Variants in GOLGA4 observed in about 807,000 individuals in gnomAD.
GOLGA4 encodes the protein golgin A4, also known as golgin subfamily A member 4.
In GOLGA4, 169 loss-of-function variants were observed where a neutral mutation model predicts 265.9. The ratio of observed to expected loss-of-function variants is 0.64; its 90% CI spans 0.56 to 0.72. The LOEUF (loss-of-function observed/expected upper bound fraction) is 0.72. Ranked by LOEUF, GOLGA4 falls within the 30% of genes least tolerant of loss-of-function variation. The pLI is 0.00. For missense variants in GOLGA4, 2,482 were observed against 2,483.4 expected (o/e 1.00, Z 0.01); for synonymous variants, 923 against 855.8 (o/e 1.08, Z -1.37).
rs778327434 is a variant in GOLGA4 at position 37,325,855 on chromosome 3, A to G, written c.3969A>G (p.Leu1323=). 1.1e-5 allele frequency: 18 copies of G among 1,613,480 alleles called. No homozygotes were observed. The highest frequency in any genetic ancestry group is 8.3e-5 in the Admixed American group (5 of 59,978). The change falls in exon 14 of 24, where the codon TTA becomes TTG. Residue 1323 remains leucine, a synonymous_variant. Coordinates refer to ENST00000361924, the MANE Select transcript of GOLGA4 (RefSeq NM_002078.5). Reference sequence around the variant, plus strand: ...GTCTTGTAACAGAAAAAGAAGCCTTACAGAAGGAAGGAGGCAATCAGCAAC... The same window carrying G: ...GTCTTGTAACAGAAAAAGAAGCCTTGCAGAAGGAAGGAGGCAATCAGCAAC... ...IESLVTEKEA[L]QKEGGNQQQA...
At chr3:37,316,387 T>A (rs1344445994) in intron 11 of GOLGA4, among the ~76,000 whole-genome samples, 1 of 152,172 alleles carries the variant, frequency 6.6e-6, no homozygotes, top group Non-Finnish European at 1.5e-5. Flanking sequence ...TCAATATGCA[T>A]TTCTATAACT....
chr3:37,276,856 C>T (rs1290316307), intron 2 of GOLGA4, among the ~76,000 whole-genome samples: 1 of 152,146 alleles, frequency 6.6e-6, no homozygotes, highest in Non-Finnish European at 1.5e-5. Flanking sequence ...ATTAATTAAA[C>T]TCTTGGCAAT....
chr3:37,344,830 G>A (rs2097050991), intron 20 of GOLGA4, among the ~76,000 whole-genome samples: 1 of 152,124 alleles, frequency 6.6e-6, no homozygotes, highest in Non-Finnish European at 1.5e-5. Flanking sequence ...TTAATTTATA[G>A]AAAAAGAGAA....
chr3:37,302,336 A>G lies in GOLGA4; in HGVS notation c.1234+4A>G. 9 of 1,611,260 alleles carry G rather than the reference A, an allele frequency of 5.6e-6. No individual in the cohort carries two copies. The highest frequency in any genetic ancestry group is 2.2e-5 in the East Asian group (1 of 44,840). On this transcript the variant is annotated splice_donor_region_variant and intron_variant, in intron 10 of 23. Transcript: ENST00000361924. ...AAAGAAAAGTCCGAAAGAGCTGGTA[A>G]GAACTTGAGGGTTACTTGTTTTATG...
intron 2 of GOLGA4, among the ~76,000 whole-genome samples, chr3:37,280,484 C>T (rs927561839): frequency 1.3e-5 from 2 of 152,048 alleles, no homozygotes; most frequent in Admixed American, 1.3e-4. Flanking sequence ...GGGTCTCATC[C>T]CCATGATGTC....
chr3:37,289,443 G>A (rs1189788696), intron 5 of GOLGA4, 152 bp downstream of exon 5: 4 of 512,874 alleles, frequency 7.8e-6, no homozygotes, highest in South Asian at 7.1e-5. Flanking sequence ...AGTTCTTGAA[G>A]TTTTTATTTG....
intron 22 of GOLGA4, among the ~76,000 whole-genome samples, chr3:37,359,147 C>A (rs1194157900): frequency 6.6e-6 from 1 of 152,118 alleles, no homozygotes; most frequent in Non-Finnish European, 1.5e-5. Context: ...GTTTACTATA[C>A]CTTGCTACTT....
At chr3:37,308,099 G>T (rs914682796) in intron 10 of GOLGA4, among the ~76,000 whole-genome samples, 1 of 152,074 alleles carries the variant, frequency 6.6e-6, no homozygotes, top group Non-Finnish European at 1.5e-5. Context: ...CGGGCATGGT[G>T]GCGTGTGCCT....
intron 2 of GOLGA4, chr3:37,266,762 CTT>C (rs769294992): frequency 1.0e-4 from 59 of 583,580 alleles, no homozygotes; most frequent in Non-Finnish European, 1.5e-4. Flanking sequence ...GGTGAGAACA[CTT>C]TGCAACATGC....
At chr3:37,258,582 A>G (rs2096760942) in intron 2 of GOLGA4, among the ~76,000 whole-genome samples, 1 of 151,696 alleles carries the variant, frequency 6.6e-6, no homozygotes, top group South Asian at 2.1e-4. Flanking sequence ...CCCACCTTGG[A>G]CTCCTAAAGT....
chr3:37,251,560 G>A, intron 2 of GOLGA4, 76 bp downstream of exon 2: 1 of 918,688 alleles, frequency 1.1e-6, no homozygotes, highest in East Asian at 2.5e-5. Flanking sequence ...ATAACAAAAT[G>A]GGAAACTTTT....
Position 37,282,912 on chromosome 3 carries a change from C to T in GOLGA4, c.477+640C>T, listed in dbSNP as rs112128385. Among the ~76,000 whole-genome samples the T allele has an allele frequency of 9.7e-3, 1,476 of 152,280 alleles. 21 individuals are homozygous for T. The highest frequency in any genetic ancestry group is 0.017 in the Middle Eastern group (5 of 292). Reference sequence around the variant, plus strand: ...CAGGCTAAATTTTATTTGTTGCCCTCCCTCAATTCCCTCTGCATCCTATGC... The same window carrying T: ...CAGGCTAAATTTTATTTGTTGCCCTTCCTCAATTCCCTCTGCATCCTATGC... On this transcript the variant is annotated intron_variant, in intron 3 of 23. Transcript: ENST00000361924.
At chr3:37,275,896 T>C (rs935035592) in intron 2 of GOLGA4, 1 of 1,613,620 alleles carries the variant, frequency 6.2e-7, no homozygotes, top group African/African-American at 1.3e-5. Flanking sequence ...TGGCAAAGTC[T>C]CTCATCAAAT....
At chr3:37,276,366 C>T in intron 2 of GOLGA4, 1 of 1,607,120 alleles carries the variant, frequency 6.2e-7, no homozygotes, top group Non-Finnish European at 8.5e-7. Flanking sequence ...AGAATGACAG[C>T]AGAGGAAATG....
At chr3:37,333,065 G>C (rs148120043) in intron 16 of GOLGA4, among the ~76,000 whole-genome samples, 113 of 152,316 alleles carry the variant, frequency 7.4e-4, no homozygotes, top group Non-Finnish European at 1.4e-3. Flanking sequence ...ACGAGCACTT[G>C]ATAAATTTGA....
intron 19 of GOLGA4, among the ~76,000 whole-genome samples, chr3:37,338,861 CTTTT>C (rs1284511741): frequency 1.5e-5 from 2 of 129,914 alleles, no homozygotes; most frequent in African/African-American, 2.9e-5. Context: ...TTATGTTAGG[CTTTT>C]TTTTTTTTTT....
chr3:37,253,606 G>A (rs539858809), intron 2 of GOLGA4, among the ~76,000 whole-genome samples: 113 of 152,196 alleles, frequency 7.4e-4, no homozygotes, highest in Non-Finnish European at 1.4e-3. Context: ...AACTTTAGCT[G>A]ACTTGGTCGA....
At chr3:37,320,109 AGTT>A (rs1284861949) in intron 12 of GOLGA4, 1 of 151,370 alleles carries the variant, frequency 6.6e-6, no homozygotes. Context: ...CTTAAAAAAG[AGTT>A]AAATTAAAAA....
rs1419584051 is a variant in GOLGA4, at chr3:37,361,318, C to G, written c.*33+13C>G. On this transcript the variant is annotated intron_variant, in intron 23 of 23. Coordinates refer to ENST00000361924, the MANE Select transcript of GOLGA4 (RefSeq NM_002078.5). ...TAGTTAACATGTGGTGAGTGAAGAA[C>G]AATGTCTTGTGTCTTTTGTGCAAAA... 11 of 1,590,828 alleles carry G rather than the reference C, an allele frequency of 6.9e-6. 1 individual carries two copies. The Middle Eastern group carries it at 6.6e-4, about 96-fold the overall frequency.
Sources: gnomAD v4.1 joint callset for allele counts (sites outside exome capture counted in the v4.1 genomes callset) on GRCh38, gnomAD v4.1.1 for gene constraint, MANE v1.5 for transcripts, NCBI Gene and HGNC (gene_info 2026-07-23, HGNC 2026-07-21) for gene names.